Variants in CNTNAP2 observed in about 807,000 individuals in gnomAD.
CNTNAP2 encodes contactin-associated protein-like 2.
Under a neutral mutation model 155.2 loss-of-function variants are expected in CNTNAP2, and 98 were observed. That is an observed-to-expected ratio of 0.63 (90% CI 0.54 to 0.75). The LOEUF (loss-of-function observed/expected upper bound fraction) is 0.75. Ranked by LOEUF, CNTNAP2 falls within the 30% of genes least tolerant of loss-of-function variation. CNTNAP2 has a pLI of 0.00. For missense variants in CNTNAP2, 1,727 were observed against 1,688.1 expected (o/e 1.02, Z -0.40); for synonymous variants, 651 against 631.2 (o/e 1.03, Z -0.47).
chr7:146,970,762 G>GTT (rs1394799970), intron 3 of CNTNAP2, among the ~76,000 whole-genome samples: 2 of 152,130 alleles, frequency 1.3e-5, no homozygotes, highest in African/African-American at 4.8e-5. Context: ...ACATGCACAC[G>GTT]TATGTTTATT....
rs555683017 is a variant in CNTNAP2 at position 147,739,486 on chromosome 7, C to T, written c.2098+100180C>T. On this transcript the variant is annotated intron_variant, in intron 13 of 23. Transcript: ENST00000361727. ...CAGTGAGTTTCTACTGCTAGGAATT[C>T]CATATCTTGTCTTGGCCCTATCAGC... is the stretch of plus-strand genomic sequence containing the variant. 2.1e-4 allele frequency among the ~76,000 whole-genome samples: 32 copies of T among 152,168 alleles called. No homozygotes were observed. In the South Asian group the frequency reaches 6.7e-3, roughly 32 times the overall value.
chr7:147,083,816 T>TTA (rs1195229538), intron 4 of CNTNAP2, among the ~76,000 whole-genome samples: 3 of 132,758 alleles, frequency 2.3e-5, no homozygotes, highest in East Asian at 2.1e-4. Context: ...TATGTACATA[T>TTA]TATATACATA....
At chr7:147,274,509 T>A (rs1804849046) in intron 8 of CNTNAP2, among the ~76,000 whole-genome samples, 1 of 152,106 alleles carries the variant, frequency 6.6e-6, no homozygotes, top group African/African-American at 2.4e-5. Flanking sequence ...ACTTTTTAAT[T>A]TTTTTGTTGT....
chr7:146,820,172 T>C (rs773100576), intron 2 of CNTNAP2, among the ~76,000 whole-genome samples: 1 of 152,156 alleles, frequency 6.6e-6, no homozygotes. Flanking sequence ...ACCCTAAGAC[T>C]GGTGAGTTTT....
chr7:147,440,277 C>T (rs1243996478), intron 10 of CNTNAP2, among the ~76,000 whole-genome samples: 1 of 151,960 alleles, frequency 6.6e-6, no homozygotes, highest in Non-Finnish European at 1.5e-5. Flanking sequence ...CAAATACTAT[C>T]TTATAGCCCA....
At chr7:147,112,819 G>A (rs1584851387) in intron 5 of CNTNAP2, among the ~76,000 whole-genome samples, 1 of 151,826 alleles carries the variant, frequency 6.6e-6, no homozygotes, top group African/African-American at 2.4e-5. Flanking sequence ...AAAAATATTT[G>A]CCCGAAGTTT....
chr7:146,183,540 A>G (rs1368864400), intron 1 of CNTNAP2, among the ~76,000 whole-genome samples: 2 of 151,912 alleles, frequency 1.3e-5, no homozygotes, highest in Non-Finnish European at 2.9e-5. Context: ...CAGAAACAAG[A>G]GGCTGAGTCA....
At chr7:148,130,885 T>A (rs772384531) in intron 16 of CNTNAP2, among the ~76,000 whole-genome samples, 4 of 152,088 alleles carry the variant, frequency 2.6e-5, no homozygotes, top group Non-Finnish European at 5.9e-5. Context: ...TACCAAAATT[T>A]TTACAAGACA....
At chr7:148,087,650 T>C (rs1803758434) in intron 15 of CNTNAP2, among the ~76,000 whole-genome samples, 1 of 152,156 alleles carries the variant, frequency 6.6e-6, no homozygotes, top group African/African-American at 2.4e-5. Flanking sequence ...ATTTGTTTTC[T>C]AGCAATAACA....
intron 10 of CNTNAP2, among the ~76,000 whole-genome samples, chr7:147,451,155 T>C (rs1009443451): frequency 6.6e-6 from 1 of 152,122 alleles, no homozygotes; most frequent in African/African-American, 2.4e-5. Flanking sequence ...AAAACTACTC[T>C]GGATTAATGT....
intron 1 of CNTNAP2, among the ~76,000 whole-genome samples, chr7:146,749,211 G>T (rs1027735792): frequency 6.6e-6 from 1 of 152,034 alleles, no homozygotes; most frequent in Non-Finnish European, 1.5e-5. Context: ...ATATGTGTAT[G>T]TATCTATATG....
chr7:148,127,732 A>T (rs1229358158), intron 16 of CNTNAP2, among the ~76,000 whole-genome samples: 1 of 152,174 alleles, frequency 6.6e-6, no homozygotes, highest in East Asian at 1.9e-4. Flanking sequence ...AAATAGTTTC[A>T]CTCTTGTAGA....
chr7:148,405,603 A>ATTTTTTT (rs535094195), intron 22 of CNTNAP2, among the ~76,000 whole-genome samples: 9 of 36,830 alleles, frequency 2.4e-4, no homozygotes, highest in African/African-American at 6.5e-4. Flanking sequence ...TGCACAGCTA[A>ATTTTTTT]TTTTTTTTTT....
chr7:147,654,814 T>C (rs1046956495), intron 13 of CNTNAP2, among the ~76,000 whole-genome samples: 2 of 132,558 alleles, frequency 1.5e-5, no homozygotes, highest in East Asian at 2.0e-4. Context: ...ATTTCTTTTT[T>C]TTTTTTTTTT....
At chr7:146,422,621 G>A (rs1341792821) in intron 1 of CNTNAP2, among the ~76,000 whole-genome samples, 1 of 151,816 alleles carries the variant, frequency 6.6e-6, no homozygotes, top group African/African-American at 2.4e-5. Context: ...TAATACCAAT[G>A]CTGTTTTATT....
intron 18 of CNTNAP2, among the ~76,000 whole-genome samples, chr7:148,187,136 AC>A (rs1562988458): frequency 2.8e-4 from 42 of 151,418 alleles, no homozygotes; most frequent in African/African-American, 8.3e-4. Context: ...ACACACACAC[AC>A]ACACACACAC....
At chr7:147,965,139 CT>C (rs1210549055) in intron 14 of CNTNAP2, among the ~76,000 whole-genome samples, 1 of 152,132 alleles carries the variant, frequency 6.6e-6, no homozygotes, top group East Asian at 1.9e-4. Flanking sequence ...TGGAGTGTAA[CT>C]TTCATTCCCC....
intron 21 of CNTNAP2, among the ~76,000 whole-genome samples, chr7:148,278,836 G>A (rs1000780055): frequency 7.2e-5 from 11 of 152,326 alleles, no homozygotes; most frequent in African/African-American, 1.2e-4. Flanking sequence ...CAGGAAAGTC[G>A]TCTTTGAGAA....
intron 1 of CNTNAP2, among the ~76,000 whole-genome samples, chr7:146,256,526 A>G (rs1243481390): frequency 1.3e-5 from 2 of 151,966 alleles, no homozygotes; most frequent in Admixed American, 6.6e-5. Context: ...TATTAAAAAT[A>G]TAACGAATAT....
Sources: gnomAD v4.1 joint callset for allele counts (sites outside exome capture counted in the v4.1 genomes callset) on GRCh38, gnomAD v4.1.1 for gene constraint, MANE v1.5 for transcripts, NCBI Gene and HGNC (gene_info 2026-07-23, HGNC 2026-07-21) for gene names.